STXBP4: variants seen among roughly 807,000 people sequenced by gnomAD.
STXBP4 encodes the protein syntaxin binding protein 4.
STXBP4 carries 55 observed loss-of-function variants against 76.1 expected under a neutral mutation model. That is an observed-to-expected ratio of 0.72 (90% CI 0.58 to 0.91). The LOEUF is 0.91. Among genes scored for constraint, STXBP4 ranks in the 40% least tolerant of loss-of-function variants. The pLI is 0.00. For missense variants in STXBP4, 618 were observed against 636.9 expected, an observed-to-expected ratio of 0.97 and a Z score of 0.32; for synonymous variants, 201 against 220.2, an observed-to-expected ratio of 0.91 and a Z score of 0.77.
At position 55,035,866 on chromosome 17, in the gene STXBP4, G is replaced by A. The variant is rs536440047; in HGVS notation, c.855+1607G>A. On this transcript the variant is annotated intron_variant, in intron 10 of 17. Coordinates refer to ENST00000376352, the MANE Select transcript of STXBP4 (RefSeq NM_178509.6). ...TAAGATGTTCTCGTATCTTATTTGT[G>A]TTTATCTTATTTACTTTTAATTGAC... 2.9e-4 allele frequency among the ~76,000 whole-genome samples: 44 copies of A among 151,652 alleles called. 1 individual carries two copies. Among genetic ancestry groups the A allele is most frequent in the Middle Eastern group, 6.8e-3 (2 of 294 alleles).
intron 15 of STXBP4, among the ~76,000 whole-genome samples, chr17:55,080,005 G>A (rs1567752311): frequency 1.3e-5 from 2 of 152,090 alleles, no homozygotes; most frequent in Non-Finnish European, 1.5e-5. Flanking sequence ...ATTACTCTCA[G>A]TAAGGATCTT....
chr17:55,074,887 G>A (rs2079161431), intron 13 of STXBP4, among the ~76,000 whole-genome samples: 1 of 151,664 alleles, frequency 6.6e-6, no homozygotes, highest in South Asian at 2.1e-4. Context: ...TGGAAAAAAA[G>A]AAGGAAACCT....
At chr17:55,027,519 A>G (rs540186107) in intron 8 of STXBP4, among the ~76,000 whole-genome samples, 1 of 152,286 alleles carries the variant, frequency 6.6e-6, no homozygotes, top group African/African-American at 2.4e-5. Flanking sequence ...CATTAATACA[A>G]TTCATCTATG....
chr17:55,010,365 A>T (rs563958440), intron 8 of STXBP4, among the ~76,000 whole-genome samples: 1 of 152,180 alleles, frequency 6.6e-6, no homozygotes, highest in East Asian at 1.9e-4. Flanking sequence ...GAAATTTATA[A>T]CACTGAACTA....
At chr17:54,972,173 A>G (rs1461687668) in intron 1 of STXBP4, among the ~76,000 whole-genome samples, 1 of 152,232 alleles carries the variant, frequency 6.6e-6, no homozygotes, top group Non-Finnish European at 1.5e-5. Context: ...TACAAGGTGA[A>G]TTAGCAAATA....
intron 16 of STXBP4, among the ~76,000 whole-genome samples, chr17:55,137,637 C>T (rs923011701): frequency 3.3e-5 from 5 of 152,098 alleles, no homozygotes; most frequent in Admixed American, 6.6e-5. Flanking sequence ...TCCTGTGCCT[C>T]AGTTCTCTAT....
At chr17:55,211,569 TTTTTTGC>T in the STXBP4 span, among the ~76,000 whole-genome samples, 1 of 152,168 alleles carries the variant, frequency 6.6e-6, no homozygotes, top group Non-Finnish European at 1.5e-5. Flanking sequence ...TTCCCTATTG[TTTTTTGC>T]AGCTTACCTA....
chr17:55,083,597 G>A (rs750745670), intron 16 of STXBP4, among the ~76,000 whole-genome samples: 1 of 152,114 alleles, frequency 6.6e-6, no homozygotes, highest in Non-Finnish European at 1.5e-5. Flanking sequence ...TCATGTTAGA[G>A]CACTCTCACG....
chr17:55,135,427 T>C lies in STXBP4; in HGVS notation c.1490-5883T>C, dbSNP rs370567809. On this transcript the variant is annotated intron_variant, in intron 16 of 17. Transcript: ENST00000376352. The stretch of plus-strand genomic sequence containing the variant: ...GGTGGTAAAACAATCAAGTCACAGA[T>C]CCAAAATCATGTTTGTTAATACACA... Among the ~76,000 whole-genome samples, 9 of 152,214 alleles carry C rather than the reference T, an allele frequency of 5.9e-5. No individual in the cohort carries two copies. The East Asian group carries it at 1.7e-3, about 29-fold the overall frequency.
chr17:55,037,762 T>C (rs1451427208), intron 10 of STXBP4, among the ~76,000 whole-genome samples: 1 of 152,206 alleles, frequency 6.6e-6, no homozygotes, highest in Admixed American at 6.5e-5. Flanking sequence ...AGTTACCTTT[T>C]CTATGTACAT....
chr17:55,068,988 A>G (rs1390464182), intron 12 of STXBP4, among the ~76,000 whole-genome samples: 3 of 152,052 alleles, frequency 2.0e-5, no homozygotes, highest in South Asian at 4.1e-4. Context: ...TTGTCCCAAC[A>G]AAAGTCCAAA....
At chr17:55,062,706 C>T (rs984751200) in intron 12 of STXBP4, among the ~76,000 whole-genome samples, 6 of 152,146 alleles carry the variant, frequency 3.9e-5, no homozygotes, top group African/African-American at 1.4e-4. Context: ...CTAATTTACA[C>T]TCCCACCAAC....
At chr17:55,159,354 C>T (rs769299521) in intron 17 of STXBP4, among the ~76,000 whole-genome samples, 2 of 152,066 alleles carry the variant, frequency 1.3e-5, no homozygotes, top group African/African-American at 2.4e-5. Context: ...TGAGTAACAG[C>T]GTATGATTTG....
chr17:55,026,957 A>G (rs1406869297), intron 8 of STXBP4, among the ~76,000 whole-genome samples: 1 of 152,124 alleles, frequency 6.6e-6, no homozygotes, highest in Non-Finnish European at 1.5e-5. Flanking sequence ...TCTCTATGTG[A>G]AAGTCTTATG....
At chr17:55,188,478 A>G in the STXBP4 span, among the ~76,000 whole-genome samples, 24 of 152,194 alleles carry the variant, frequency 1.6e-4, no homozygotes, top group African/African-American at 5.8e-4. Flanking sequence ...TCTCCCTAGA[A>G]CAGTGATACC....
At chr17:55,189,194 C>CA in the STXBP4 span, among the ~76,000 whole-genome samples, 5 of 151,828 alleles carry the variant, frequency 3.3e-5, no homozygotes, top group Non-Finnish European at 7.4e-5. Context: ...AAGGATGCTT[C>CA]AAAAAACCAA....
chr17:55,097,327 T>G (rs1270686208), intron 16 of STXBP4, among the ~76,000 whole-genome samples: 1 of 152,228 alleles, frequency 6.6e-6, no homozygotes, highest in Non-Finnish European at 1.5e-5. Context: ...TGTATTTGTC[T>G]CTAAGCATTA....
the STXBP4 span, among the ~76,000 whole-genome samples, chr17:55,194,507 G>C: frequency 1.3e-5 from 2 of 152,190 alleles, no homozygotes; most frequent in Non-Finnish European, 2.9e-5. Context: ...CACCTATGTG[G>C]TTGCATGGAA....
downstream of STXBP4, among the ~76,000 whole-genome samples, chr17:55,176,578 A>G (rs1456102121): frequency 6.6e-6 from 1 of 152,226 alleles, no homozygotes; most frequent in East Asian, 1.9e-4. Flanking sequence ...CCCTAAGAGT[A>G]AGGGTGAGGC....
Sources: allele counts gnomAD v4.1 joint callset (sites outside exome capture counted in the v4.1 genomes callset), GRCh38; gene constraint gnomAD v4.1.1; transcripts MANE v1.5; gene names NCBI Gene and HGNC (gene_info 2026-07-23, HGNC 2026-07-21).